The following B4GALT5 variants were observed in gnomAD, a reference collection of about 807,000 sequenced individuals.
The protein encoded by B4GALT5 is beta-1,4-galactosyltransferase 5.
In B4GALT5, 11 loss-of-function variants were observed where a neutral mutation model predicts 45.0. The observed-to-expected ratio is 0.24, with a 90% CI of 0.15 to 0.40. The LOEUF is 0.40. B4GALT5 is among the 10% of genes least tolerant of loss of function. The pLI, the probability that B4GALT5 is intolerant of heterozygous loss-of-function variation, is 1.00. For missense variants in B4GALT5, 337 were observed against 500.2 expected, an observed-to-expected ratio of 0.67 and a Z score of 3.11; for synonymous variants, 185 against 182.9, an observed-to-expected ratio of 1.01 and a Z score of -0.09.
intron 3 of B4GALT5, among the ~76,000 whole-genome samples, chr20:49,645,747 C>T (rs559997913): frequency 4.6e-5 from 7 of 151,838 alleles, no homozygotes; most frequent in African/African-American, 1.7e-4. Flanking sequence ...AAAACTCCCT[C>T]TCAAAAATAA....
At chr20:49,637,313 C>T (rs560511759) in intron 8 of B4GALT5, 28 bp downstream of exon 8, 4 of 1,578,372 alleles carry the variant, frequency 2.5e-6, no homozygotes, top group East Asian at 4.5e-5. Flanking sequence ...GGGGATACTT[C>T]TAAGAGACAG....
chr20:49,677,734 TTTGATTGA>T (rs558771877), intron 1 of B4GALT5, among the ~76,000 whole-genome samples: 2 of 152,130 alleles, frequency 1.3e-5, no homozygotes, highest in African/African-American at 4.8e-5. Flanking sequence ...GTGAAATATC[TTTGATTGA>T]TTGATTGATT....
intron 2 of B4GALT5, among the ~76,000 whole-genome samples, chr20:49,653,593 A>AT (rs1304843458): frequency 1.3e-5 from 2 of 152,202 alleles, no homozygotes; most frequent in African/African-American, 2.4e-5. Flanking sequence ...ATCAAGTTCC[A>AT]TGACTTCCAT....
At chr20:49,666,368 TGCTG>T (rs1051973314) in intron 1 of B4GALT5, among the ~76,000 whole-genome samples, 1 of 152,128 alleles carries the variant, frequency 6.6e-6, no homozygotes, top group African/African-American at 2.4e-5. Flanking sequence ...TCAGCAAAGG[TGCTG>T]CTTGGTGCTC....
intron 1 of B4GALT5, 24 bp downstream of exon 1, chr20:49,713,552 C>A (rs1431667747): frequency 1.3e-6 from 2 of 1,550,808 alleles, no homozygotes; most frequent in South Asian, 1.2e-5. Flanking sequence ...CGGCAGCCGC[C>A]GCGGTCCCAA....
At chr20:49,689,981 T>C (rs1235358523) in intron 1 of B4GALT5, among the ~76,000 whole-genome samples, 2 of 152,166 alleles carry the variant, frequency 1.3e-5, no homozygotes, top group African/African-American at 2.4e-5. Context: ...TAGGCATACA[T>C]AGCACAAGTG....
chr20:49,698,260 T>C (rs566840544), intron 1 of B4GALT5, among the ~76,000 whole-genome samples: 6 of 151,754 alleles, frequency 4.0e-5, no homozygotes, highest in South Asian at 2.1e-4. Flanking sequence ...AAAGTGGAGG[T>C]TGCAGTGAGC....
At chr20:49,661,628 G>C (rs2085665263) in intron 1 of B4GALT5, among the ~76,000 whole-genome samples, 2 of 152,190 alleles carry the variant, frequency 1.3e-5, no homozygotes, top group Admixed American at 6.5e-5. Flanking sequence ...TTAAGTTGGT[G>C]TGCAGTGGTT....
chr20:49,666,409 T>C (rs567436561), intron 1 of B4GALT5, among the ~76,000 whole-genome samples: 17 of 152,330 alleles, frequency 1.1e-4, no homozygotes, highest in Non-Finnish European at 2.1e-4. Flanking sequence ...CTGGGTTTTC[T>C]TTCTCTGAAT....
chr20:49,703,051 G>A (rs1373130526), intron 1 of B4GALT5, among the ~76,000 whole-genome samples: 1 of 150,686 alleles, frequency 6.6e-6, no homozygotes, highest in Non-Finnish European at 1.5e-5. Flanking sequence ...GTGGGTGCCT[G>A]TAGTCCCAGC....
intron 1 of B4GALT5, among the ~76,000 whole-genome samples, chr20:49,702,994 A>G (rs2085868935): frequency 6.6e-6 from 1 of 151,866 alleles, no homozygotes; most frequent in African/African-American, 2.4e-5. Flanking sequence ...TGACACGATG[A>G]AACCCCGTCT....
At position 49,643,620 on chromosome 20, in the gene B4GALT5, A is replaced by G. The variant is rs140018307; in HGVS notation, c.395T>C (p.Ile132Thr). ...KGPIDINMSE[I>T]GMDYIHELFS... ...GAGTTCATGAATGTAATCCATTCCA[A>G]TTTCACTCATGTTTATGTCTATTGG... The change falls in exon 4 of 9, where the codon ATT (isoleucine) becomes ACT (threonine). Residue 132 changes from isoleucine to threonine, a missense_variant. Coordinates refer to ENST00000371711, the MANE Select transcript of B4GALT5 (RefSeq NM_004776.4). The G allele has an allele frequency of 1.0e-4, 167 of 1,613,852 alleles. No individual in the cohort carries two copies. The African/African-American group carries it at 1.9e-3, about 19-fold the overall frequency.
At position 49,633,935 on chromosome 20, in the gene B4GALT5, G is replaced by A. The variant is rs545128941; in HGVS notation, c.*2377C>T. On this transcript the variant is annotated 3_prime_UTR_variant, in exon 9 of 9. Transcript: ENST00000371711. The stretch of plus-strand genomic sequence containing the variant: ...AAGGCAGGGACAAAGGCCCGGTGGG[G>A]GATGGGGGTTGCAGGGTGGAGGGGG... 6.6e-6 allele frequency: 1 copy of A among 152,638 alleles called. No individual in the cohort carries two copies. The highest frequency in any genetic ancestry group is 1.5e-5 in the Non-Finnish European group (1 of 68,044). The allele number at this position is 152,638 out of a possible 1,614,324, so 9.5% of individuals were successfully genotyped here. A position where few individuals can be genotyped will look rare whatever the true frequency, so the allele number is the denominator to read the frequency against.
At chr20:49,672,697 T>C (rs970360759) in intron 1 of B4GALT5, among the ~76,000 whole-genome samples, 2 of 152,126 alleles carry the variant, frequency 1.3e-5, no homozygotes, top group African/African-American at 4.8e-5. Context: ...AAGAGCATGA[T>C]TGATGGAAAC....
intron 1 of B4GALT5, among the ~76,000 whole-genome samples, chr20:49,658,001 T>TATA: frequency 6.6e-6 from 1 of 152,098 alleles, no homozygotes; most frequent in Non-Finnish European, 1.5e-5. Context: ...TTTCAAATCA[T>TATA]CTCTTAAGGT....
chr20:49,679,640 C>T (rs62207699), intron 1 of B4GALT5, among the ~76,000 whole-genome samples: 16,115 of 151,546 alleles, frequency 0.11, 952 homozygotes, highest in Admixed American at 0.14. Flanking sequence ...CCCACCACTG[C>T]ACTCCAACCT....
At chr20:49,707,350 AGT>A (rs1024779542) in intron 1 of B4GALT5, among the ~76,000 whole-genome samples, 2 of 151,778 alleles carry the variant, frequency 1.3e-5, no homozygotes, top group Admixed American at 6.6e-5. Context: ...TGTGCGCAAG[AGT>A]GCATGTGGAT....
At chr20:49,689,878 A>G (rs529338747) in intron 1 of B4GALT5, among the ~76,000 whole-genome samples, 23 of 152,080 alleles carry the variant, frequency 1.5e-4, no homozygotes, top group Non-Finnish European at 2.9e-4. Context: ...CTCTCAGAAT[A>G]AATGTTTTTT....
intron 3 of B4GALT5, 81 bp downstream of exon 3, chr20:49,646,884 G>GT: frequency 1.2e-6 from 1 of 827,518 alleles, no homozygotes; most frequent in African/African-American, 1.7e-5. Flanking sequence ...TATTCTCTCT[G>GT]CAGGCAGACA....
Sources: allele counts gnomAD v4.1 joint callset (sites outside exome capture counted in the v4.1 genomes callset), GRCh38; gene constraint gnomAD v4.1.1; transcripts MANE v1.5; gene names NCBI Gene and HGNC (gene_info 2026-07-23, HGNC 2026-07-21).